Variants in NPR2 observed in about 807,000 individuals in gnomAD.
NPR2 encodes natriuretic peptide receptor 2.
A neutral mutation model predicts 120.7 loss-of-function variants in NPR2; 49 were observed. The observed-to-expected ratio is 0.41, with a 90% CI of 0.32 to 0.52. NPR2 has a LOEUF of 0.52. Among genes scored for constraint, NPR2 ranks in the 20% least tolerant of loss-of-function variants. The probability of loss-of-function intolerance (pLI) is 0.36; values close to 1 mark genes in which losing one functional copy is unlikely to be tolerated. For missense variants in NPR2, 931 were observed against 1,362.9 expected (o/e 0.68, Z 4.99); for synonymous variants, 484 against 519.8 (o/e 0.93, Z 0.94).
chr9:35,808,259 CAG>C lies in NPR2; in HGVS notation c.2713-249_2713-248del, dbSNP rs772722360. The C allele has an allele frequency of 1.9e-6, 3 of 1,614,230 alleles. No individual in the cohort carries two copies. The South Asian group carries it at 3.3e-5, about 18-fold the overall frequency. On this transcript the variant is annotated intron_variant, in intron 18 of 21. Coordinates refer to ENST00000342694, the MANE Select transcript of NPR2 (RefSeq NM_003995.4). This position sits in a 1 kb window ranked among gnomAD's most constrained non-coding sequence, Gnocchi z 4.0. The stretch of plus-strand genomic sequence containing the variant: ...CTATTTGTCCATGTCCTGCTGCAGA[CAG>C]GGTGTTCATTCATTCCGCAAATGTT...
rs759694185 is a variant in NPR2 at position 35,806,429 on chromosome 9, C to T, written c.2410C>T (p.Arg804Cys). Residue 804 changes from arginine to cysteine, a missense_variant, in exon 16 of 22, where the codon CGC becomes TGC. Coordinates refer to ENST00000342694, the MANE Select transcript of NPR2 (RefSeq NM_003995.4). The surrounding 1 kb of genome is among the most constrained non-coding windows in gnomAD (Gnocchi z 4.6). ...GTSILDNLLL[R>C]MEQYANNLEK... ...CAGCATATTGGACAACCTCCTGCTG[C>T]GCATGGAACAGTATGCCAATAACTT... 11 of 1,613,932 alleles carry T rather than the reference C, an allele frequency of 6.8e-6. No homozygotes were observed. Among genetic ancestry groups the T allele is most frequent in the Admixed American group, 1.7e-5 (1 of 60,012 alleles).
At chr9:35,795,228 G>A (rs543284147) in intron 2 of NPR2, among the ~76,000 whole-genome samples, 1 of 152,190 alleles carries the variant, frequency 6.6e-6, no homozygotes. Context: ...CAACCCCAGG[G>A]CCTTCCTGCC....
chr9:35,809,135 T>A lies in NPR2; in HGVS notation c.2987-21T>A, dbSNP rs767469588. The A allele has an allele frequency of 6.2e-7, 1 of 1,602,230 alleles. No homozygotes were observed. The highest frequency in any genetic ancestry group is 8.6e-7 in the Non-Finnish European group (1 of 1,169,458). ...TCTTTGATTCCTCATTCCACCATCCTCCCCATTCCACCCACCCCAGCGCTG... is the reference window on the plus strand; with the variant it reads ...TCTTTGATTCCTCATTCCACCATCCACCCCATTCCACCCACCCCAGCGCTG... On this transcript the variant is annotated intron_variant, in intron 20 of 21. Transcript: ENST00000342694. This position sits in a 1 kb window ranked among gnomAD's most constrained non-coding sequence, Gnocchi z 4.1.
chr9:35,793,151 G>A, intron 1 of NPR2, 76 bp downstream of exon 1: 2 of 1,415,486 alleles, frequency 1.4e-6, no homozygotes, highest in Non-Finnish European at 1.9e-6. Context: ...CTGGGGAACT[G>A]TAGATGGAGA....
intron 12 of NPR2, among the ~76,000 whole-genome samples, chr9:35,804,149 A>G (rs1828275545): frequency 6.6e-6 from 1 of 152,138 alleles, no homozygotes; most frequent in South Asian, 2.1e-4. Context: ...TTGTTAGCAT[A>G]TTGAACCTTG....
Position 35,808,593 on chromosome 9 carries a change from A to G in NPR2, c.2797A>G (p.Met933Val), listed in dbSNP as rs943921606. 1.9e-6 allele frequency: 3 copies of G among 1,614,148 alleles called. No homozygotes were observed. Among genetic ancestry groups the G allele is most frequent in the Non-Finnish European group, 2.5e-6 (3 of 1,180,016 alleles). The change falls in exon 19 of 22, where the codon ATG becomes GTG. Residue 933 changes from methionine to valine, a missense_variant. Coordinates refer to ENST00000342694, the MANE Select transcript of NPR2 (RefSeq NM_003995.4). This position sits in a 1 kb window ranked among gnomAD's most constrained non-coding sequence, Gnocchi z 4.0. Reference sequence around the variant, plus strand: ...ACGCCATGCACCAGAAATTGCTCGTATGGCCCTAGCATTACTAGATGCAGT... The same window carrying G: ...ACGCCATGCACCAGAAATTGCTCGTGTGGCCCTAGCATTACTAGATGCAGT... Reference protein sequence around the residue: ...GQRHAPEIARMALALLDAVSS... With the variant: ...GQRHAPEIARVALALLDAVSS...
At position 35,800,535 on chromosome 9, in the gene NPR2, T is replaced by G; in HGVS notation, c.1218+52T>G. On this transcript the variant is annotated intron_variant, in intron 5 of 21. Coordinates refer to ENST00000342694, the MANE Select transcript of NPR2 (RefSeq NM_003995.4). The surrounding 1 kb of genome is among the most constrained non-coding windows in gnomAD (Gnocchi z 4.7). ...AGTGTGGCCCTGCAAAATCCAGCTT[T>G]CAAGGGTTCAGTCGGGGCAGAACCA... The G allele has an allele frequency of 6.3e-7, 1 of 1,583,728 alleles. No individual in the cohort carries two copies. The highest frequency in any genetic ancestry group is 8.7e-7 in the Non-Finnish European group (1 of 1,152,856).
rs1426981481 is a variant in NPR2 at position 35,801,163 on chromosome 9, T to G, written c.1436+9T>G. On this transcript the variant is annotated intron_variant, in intron 7 of 21. Transcript: ENST00000342694. ...AGCTTCCTAATTTTCCGGTGAGTTC[T>G]GGGTTTCTTGCTGACCTACTCCCTG... The G allele has an allele frequency of 6.2e-7, 1 of 1,607,434 alleles. No homozygotes were observed. Among genetic ancestry groups the G allele is most frequent in the Admixed American group, 1.7e-5 (1 of 59,992 alleles).
rs772369326 is a variant in NPR2, at chr9:35,800,051, T to C, written c.1017T>C (p.Asp339=). 3 of 1,614,120 alleles carry C rather than the reference T, an allele frequency of 1.9e-6. No homozygotes were observed. Among genetic ancestry groups the C allele is most frequent in the South Asian group, 2.2e-5 (2 of 91,082 alleles). Residue 339 remains aspartate (D), a synonymous_variant, in exon 4 of 22, where the codon GAT becomes GAC. Transcript: ENST00000342694. This position sits in a 1 kb window ranked among gnomAD's most constrained non-coding sequence, Gnocchi z 4.7. ...LMNLIAGCFY[D]GILLYAEVLN... is the part of the protein sequence containing the mutation. ...ACCTCATCGCTGGCTGCTTCTATGA[T>C]GGGATCCTGCTATATGCTGAAGTCC...
chr9:35,796,541 C>T (rs1232196022), intron 2 of NPR2, among the ~76,000 whole-genome samples: 1 of 152,158 alleles, frequency 6.6e-6, no homozygotes, highest in Non-Finnish European at 1.5e-5. Flanking sequence ...CATTATTGCC[C>T]AGCCAAGAGT....
In NPR2 at chr9:35,792,774, G is replaced by A. The variant is rs549842668; in HGVS notation, c.366G>A (p.Ala122=). 2.5e-6 allele frequency: 4 copies of A among 1,614,208 alleles called. No homozygotes were observed. Among genetic ancestry groups the A allele is most frequent in the African/African-American group, 2.7e-5 (2 of 75,058 alleles). ...ASHWRLPLLT[A]GAVASGFSAK... ...ACTGGCGCCTTCCCCTGCTGACTGC[G>A]GGTGCTGTGGCCTCTGGTTTTTCGG... The change falls in exon 1 of 22, where the codon GCG becomes GCA. Residue 122 remains alanine (A), a synonymous_variant. Transcript: ENST00000342694.
chr9:35,806,418 A>G lies in NPR2; in HGVS notation c.2399A>G (p.Asn800Ser). The G allele has an allele frequency of 6.2e-7, 1 of 1,613,482 alleles. No homozygotes were observed. Among genetic ancestry groups the G allele is most frequent in the Non-Finnish European group, 8.5e-7 (1 of 1,179,518 alleles). Residue 800 changes from asparagine (N) to serine (S), a missense_variant, in exon 16 of 22, where the codon AAC becomes AGC. Coordinates refer to ENST00000342694, the MANE Select transcript of NPR2 (RefSeq NM_003995.4). This position sits in a 1 kb window ranked among gnomAD's most constrained non-coding sequence, Gnocchi z 4.6. ...NKEGGTSILD[N>S]LLLRMEQYAN... ...GAGGGTGGCACCAGCATATTGGACA[A>G]CCTCCTGCTGCGCATGGAACAGTAT...
In NPR2 at chr9:35,802,672, C is replaced by G; in HGVS notation, c.1816-60C>G. On this transcript the variant is annotated intron_variant, in intron 11 of 21. Coordinates refer to ENST00000342694, the MANE Select transcript of NPR2 (RefSeq NM_003995.4). The surrounding 1 kb of genome is among the most constrained non-coding windows in gnomAD (Gnocchi z 4.2). ...GGATAGACCCAAAGTTATACTGACT[C>G]TATGCTGGGTGATAGCTGGTGGGAC... 1 of 1,485,088 alleles carries G rather than the reference C, an allele frequency of 6.7e-7. No homozygotes were observed. Among genetic ancestry groups the G allele is most frequent in the South Asian group, 1.1e-5 (1 of 88,388 alleles). The allele number at this position is 1,485,088 out of a possible 1,614,324, so 92.0% of individuals were successfully genotyped here. A position where few individuals can be genotyped will look rare whatever the true frequency, so the allele number is the denominator to read the frequency against.
Position 35,793,167 on chromosome 9 carries a change from A to C in NPR2, c.667+92A>C. On this transcript the variant is annotated intron_variant, in intron 1 of 21. Coordinates refer to ENST00000342694, the MANE Select transcript of NPR2 (RefSeq NM_003995.4). ...TGGGGAACTGTAGATGGAGATAGGC[A>C]TTGAGCAGCTGTATGTGGTGGTTGG... 2.3e-6 allele frequency: 3 copies of C among 1,322,286 alleles called. No individual in the cohort carries two copies. In the South Asian group the frequency reaches 4.4e-5, roughly 19 times the overall value. The allele number at this position is 1,322,286 out of a possible 1,614,324, so 81.9% of individuals were successfully genotyped here.
In NPR2 at chr9:35,808,469, A is replaced by C. The variant is rs755939247; in HGVS notation, c.2713-40A>C. On this transcript the variant is annotated intron_variant, in intron 18 of 21. Transcript: ENST00000342694. The surrounding 1 kb of genome is among the most constrained non-coding windows in gnomAD (Gnocchi z 4.0). ...CCTCTACTTTTTCCCATCCCCATGG[A>C]TATAAATAGAGGTGACCTTTTAATC... 2.5e-6 allele frequency: 4 copies of C among 1,601,844 alleles called. No homozygotes were observed. Among genetic ancestry groups the C allele is most frequent in the Non-Finnish European group, 2.6e-6 (3 of 1,169,224 alleles).
chr9:35,800,074 T>C lies in NPR2; in HGVS notation c.1040T>C (p.Val347Ala), dbSNP rs1308349252. 1 of 1,613,970 alleles carries C rather than the reference T, an allele frequency of 6.2e-7. No individual in the cohort carries two copies. Among genetic ancestry groups the C allele is most frequent in the Admixed American group, 1.7e-5 (1 of 60,008 alleles). ...GATGGGATCCTGCTATATGCTGAAG[T>C]CCTGAATGAGACAATACAGGAAGGA... ...FYDGILLYAE[V>A]LNETIQEGGT... The change falls in exon 4 of 22, where the codon GTC (valine) becomes GCC (alanine). Residue 347 changes from valine to alanine, a missense_variant. Physicochemically the swap from Val to Ala is moderately conservative, Grantham distance 64. Around this residue, in one of 3 missense-constraint regions of NPR2, gnomAD observed 681 missense variants for 974.3 expected, o/e 0.70. Coordinates refer to ENST00000342694, the MANE Select transcript of NPR2 (RefSeq NM_003995.4). The surrounding 1 kb of genome is among the most constrained non-coding windows in gnomAD (Gnocchi z 4.7).
chr9:35,797,729 GT>G (rs371403481), intron 2 of NPR2, among the ~76,000 whole-genome samples: 54 of 145,146 alleles, frequency 3.7e-4, no homozygotes, highest in African/African-American at 4.0e-4. Flanking sequence ...TTGAGGTTGG[GT>G]TTTTTTTTTT....
chr9:35,802,878 C>A lies in NPR2; in HGVS notation c.1887+75C>A. 9.9e-7 allele frequency: 1 copy of A among 1,009,550 alleles called. No individual in the cohort carries two copies. Among genetic ancestry groups the A allele is most frequent in the South Asian group, 1.3e-5 (1 of 78,544 alleles). The allele number at this position is 1,009,550 out of a possible 1,614,324, so 62.5% of individuals were successfully genotyped here. A position where few individuals can be genotyped will look rare whatever the true frequency, so the allele number is the denominator to read the frequency against. ...CTGTTCTTTGATTGTGGTTTTTCTCCTTCTAGTCCTCTGAAGTCCTGTTCT... is the reference window on the plus strand; with the variant it reads ...CTGTTCTTTGATTGTGGTTTTTCTCATTCTAGTCCTCTGAAGTCCTGTTCT... On this transcript the variant is annotated intron_variant, in intron 12 of 21. Transcript: ENST00000342694. The surrounding 1 kb of genome is among the most constrained non-coding windows in gnomAD (Gnocchi z 4.2).
In NPR2 at chr9:35,808,295, A is replaced by G; in HGVS notation, c.2713-214A>G. On this transcript the variant is annotated intron_variant, in intron 18 of 21. Coordinates refer to ENST00000342694, the MANE Select transcript of NPR2 (RefSeq NM_003995.4). This position sits in a 1 kb window ranked among gnomAD's most constrained non-coding sequence, Gnocchi z 4.0. ...TTCATTCCGCAAATGTTTACTGAGT[A>G]TTCACCAGGTGCTGGGTGGAGAAAG... 1 of 1,608,774 alleles carries G rather than the reference A, an allele frequency of 6.2e-7. No individual in the cohort carries two copies. Among genetic ancestry groups the G allele is most frequent in the South Asian group, 1.1e-5 (1 of 90,976 alleles).
Sources: allele counts gnomAD v4.1 joint callset (sites outside exome capture counted in the v4.1 genomes callset), GRCh38; gene constraint gnomAD v4.1.1; regional missense constraint gnomAD v4.1.1; non-coding constraint Gnocchi (gnomAD v3.1); transcripts MANE v1.5; gene names NCBI Gene and HGNC (gene_info 2026-07-23, HGNC 2026-07-21).